Variants in IGSF3 observed in about 807,000 individuals in gnomAD.
The protein encoded by IGSF3 is immunoglobulin superfamily member 3.
In IGSF3, 23 loss-of-function variants were observed where a neutral mutation model predicts 114.4. The observed-to-expected ratio is 0.20, with a 90% confidence interval of 0.14 to 0.28. The LOEUF is 0.28. Among genes scored for constraint, IGSF3 ranks in the 10% least tolerant of loss-of-function variants. The pLI is 1.00. For missense variants in IGSF3, 1,172 were observed against 1,591.5 expected (o/e 0.74, Z 4.48); for synonymous variants, 571 against 645.2 (o/e 0.88, Z 1.74).
chr1:116,581,291 T>A (rs1028663742), intron 9 of IGSF3, among the ~76,000 whole-genome samples: 6 of 149,746 alleles, frequency 4.0e-5, no homozygotes, highest in Non-Finnish European at 7.4e-5. Flanking sequence ...ATCTCACAGA[T>A]GCCAACAGAC....
Position 116,624,310 on chromosome 1 carries a change from T to G in IGSF3, c.44-7853A>C, listed in dbSNP as rs1661510764. ...AAAGTTTGGATCGAATTCCTAAGTC[T>G]TCGCCTTCACTGACTTCCCACAGCA... On this transcript the variant is annotated intron_variant, in intron 2 of 10. Transcript: ENST00000369486. The surrounding 1 kb of genome is among the most constrained non-coding windows in gnomAD (Gnocchi z 4.9). Among the ~76,000 whole-genome samples, 1 of 152,184 alleles carries G rather than the reference T, an allele frequency of 6.6e-6. No homozygotes were observed. Among genetic ancestry groups the G allele is most frequent in the Admixed American group, 6.5e-5 (1 of 15,280 alleles).
chr1:116,609,157 G>C (rs1319224463), intron 4 of IGSF3, among the ~76,000 whole-genome samples: 1 of 151,932 alleles, frequency 6.6e-6, no homozygotes, highest in African/African-American at 2.4e-5. Context: ...AGTAGGAAAA[G>C]TACCTACTTC....
In IGSF3 at chr1:116,636,698, C is replaced by T. The variant is rs940931703; in HGVS notation, c.44-20241G>A. ...CAAGCCAGTGAAGAGGGGCTGGAAC[C>T]CTGTCTTTTGCCTCGAAGCACAGGG... On this transcript the variant is annotated intron_variant, in intron 2 of 10. Transcript: ENST00000369486. This position sits in a 1 kb window ranked among gnomAD's most constrained non-coding sequence, Gnocchi z 4.5. Among the ~76,000 whole-genome samples, 2 of 152,134 alleles carry T rather than the reference C, an allele frequency of 1.3e-5. No individual in the cohort carries two copies. Among genetic ancestry groups the T allele is most frequent in the Admixed American group, 1.3e-4 (2 of 15,268 alleles).
In IGSF3 at chr1:116,592,360, A is replaced by G. The variant is rs1660149236; in HGVS notation, c.2030-3256T>C. Among the ~76,000 whole-genome samples the G allele has an allele frequency of 6.6e-6, 1 of 152,240 alleles. No individual in the cohort carries two copies. Among genetic ancestry groups the G allele is most frequent in the Non-Finnish European group, 1.5e-5 (1 of 68,036 alleles). On this transcript the variant is annotated intron_variant, in intron 7 of 10. Transcript: ENST00000369486. This position sits in a 1 kb window ranked among gnomAD's most constrained non-coding sequence, Gnocchi z 4.5. The stretch of plus-strand genomic sequence containing the variant: ...AAAGAATCCAGCAAGAGACAGGAAG[A>G]GGGTCCGAGAGTTGCTCCAGCTCAC...
Position 116,594,376 on chromosome 1 carries a change from G to T in IGSF3, c.2030-5272C>A, listed in dbSNP as rs1660252913. Among the ~76,000 whole-genome samples, 7 of 152,182 alleles carry T rather than the reference G, an allele frequency of 4.6e-5. No homozygotes were observed. The highest frequency in any genetic ancestry group is 4.6e-4 in the Admixed American group (7 of 15,280). On this transcript the variant is annotated intron_variant, in intron 7 of 10. Transcript: ENST00000369486. This position sits in a 1 kb window ranked among gnomAD's most constrained non-coding sequence, Gnocchi z 5.2. ...TATATTGTATATGAATTTCATTTCT[G>T]GGTAAAGGGAACATTATAAATTATT... is the stretch of plus-strand genomic sequence containing the variant.
In IGSF3 at chr1:116,650,641, A is replaced by G. The variant is rs376444381; in HGVS notation, c.43+15643T>C. Among the ~76,000 whole-genome samples the G allele has an allele frequency of 2.6e-5, 4 of 152,132 alleles. No individual in the cohort carries two copies. In the East Asian group the frequency reaches 7.7e-4, roughly 29 times the overall value. ...GAAGAGCCACTGTAGGTAACCAATC[A>G]CGTCTACCACAGGCAGGGACCAATA... is the stretch of plus-strand genomic sequence containing the variant. On this transcript the variant is annotated intron_variant, in intron 2 of 10. Coordinates refer to ENST00000369486, the MANE Select transcript of IGSF3 (RefSeq NM_001007237.3). The surrounding 1 kb of genome is among the most constrained non-coding windows in gnomAD (Gnocchi z 5.0).
rs1010011531 is a variant in IGSF3, at chr1:116,585,888, TC to T, written c.2441-837del. On this transcript the variant is annotated intron_variant, in intron 8 of 10. Transcript: ENST00000369486. The surrounding 1 kb of genome is among the most constrained non-coding windows in gnomAD (Gnocchi z 4.9). ...GCCTGTGCAACAGAGTGAGACTGTC[TC>T]AAAAAAAAGAAAAAGAAAAAGAAAA... Among the ~76,000 whole-genome samples the T allele has an allele frequency of 8.6e-5, 13 of 151,972 alleles. No individual in the cohort carries two copies. The highest frequency in any genetic ancestry group is 2.0e-4 in the Admixed American group (3 of 15,272).
chr1:116,628,764 G>A lies in IGSF3; in HGVS notation c.44-12307C>T, dbSNP rs767848794. Among the ~76,000 whole-genome samples the A allele has an allele frequency of 1.8e-4, 27 of 152,260 alleles. No individual in the cohort carries two copies. The highest frequency in any genetic ancestry group is 6.3e-4 in the African/African-American group (26 of 41,528). ...CTCAGCTTTGACTTTCATTGCTGGT[G>A]GCTCAGGCTCCTGTGCTTGGCTCTC... On this transcript the variant is annotated intron_variant, in intron 2 of 10. Transcript: ENST00000369486. The surrounding 1 kb of genome is among the most constrained non-coding windows in gnomAD (Gnocchi z 4.2).
In IGSF3 at chr1:116,654,653, T is replaced by A. The variant is rs933128058; in HGVS notation, c.43+11631A>T. 6.6e-6 allele frequency among the ~76,000 whole-genome samples: 1 copy of A among 152,186 alleles called. No homozygotes were observed. The highest frequency in any genetic ancestry group is 2.4e-5 in the African/African-American group (1 of 41,436). On this transcript the variant is annotated intron_variant, in intron 2 of 10. Transcript: ENST00000369486. This position sits in a 1 kb window ranked among gnomAD's most constrained non-coding sequence, Gnocchi z 4.4. Reference sequence around the variant, plus strand: ...CACCCCCCATACGAGGCTCCTCTGGTATGGACGGTGTCTCCTCTCTGGTGG... The same window carrying A: ...CACCCCCCATACGAGGCTCCTCTGGAATGGACGGTGTCTCCTCTCTGGTGG...
intron 7 of IGSF3, among the ~76,000 whole-genome samples, chr1:116,590,806 C>T (rs545172554): frequency 4.7e-4 from 71 of 152,004 alleles, no homozygotes; most frequent in Admixed American, 2.8e-3. Flanking sequence ...CCACAGACTG[C>T]CACTTGGTCT....
intron 2 of IGSF3, among the ~76,000 whole-genome samples, chr1:116,623,757 G>GA (rs1661490146): frequency 6.6e-6 from 1 of 151,502 alleles, no homozygotes; most frequent in Non-Finnish European, 1.5e-5. Context: ...GCCCACAGGT[G>GA]CAAGGACCTT....
In IGSF3 at chr1:116,592,191, C is replaced by T. The variant is rs1483500597; in HGVS notation, c.2030-3087G>A. Among the ~76,000 whole-genome samples, 1 of 152,100 alleles carries T rather than the reference C, an allele frequency of 6.6e-6. No homozygotes were observed. Among genetic ancestry groups the T allele is most frequent in the Non-Finnish European group, 1.5e-5 (1 of 68,030 alleles). ...CAGAATCTGCACTTTAACAAGATCCCCAGGTGATTCACAAGTAGCTTCAAG... is the reference window on the plus strand; with the variant it reads ...CAGAATCTGCACTTTAACAAGATCCTCAGGTGATTCACAAGTAGCTTCAAG... On this transcript the variant is annotated intron_variant, in intron 7 of 10. Transcript: ENST00000369486. The surrounding 1 kb of genome is among the most constrained non-coding windows in gnomAD (Gnocchi z 4.5).
rs3216634 is a variant in IGSF3, at chr1:116,624,085, T to TA, written c.44-7629dup. On this transcript the variant is annotated intron_variant, in intron 2 of 10. Coordinates refer to ENST00000369486, the MANE Select transcript of IGSF3 (RefSeq NM_001007237.3). This position sits in a 1 kb window ranked among gnomAD's most constrained non-coding sequence, Gnocchi z 4.9. The stretch of plus-strand genomic sequence containing the variant: ...CTGGGCAACAGAGAAAGACTCTATC[T>TA]AAAAAAAAAACAAAAAAAAGGTCCC... Among the ~76,000 whole-genome samples, 89 of 136,502 alleles carry TA rather than the reference T, an allele frequency of 6.5e-4. No homozygotes were observed. Among genetic ancestry groups the TA allele is most frequent in the African/African-American group, 1.5e-3 (56 of 36,616 alleles). 89.6% of individuals were successfully genotyped at this position (136,502 alleles called of 152,430 possible). A position where few individuals can be genotyped will look rare whatever the true frequency, so the allele number is the denominator to read the frequency against.
In IGSF3 at chr1:116,655,174, G is replaced by A. The variant is rs200922313; in HGVS notation, c.43+11110C>T. ...TTTTAACTGTGAATTCTGTGGCACC[G>A]GAGATAACAGAACAATGAATGCTTG... On this transcript the variant is annotated intron_variant, in intron 2 of 10. Coordinates refer to ENST00000369486, the MANE Select transcript of IGSF3 (RefSeq NM_001007237.3). This position sits in a 1 kb window ranked among gnomAD's most constrained non-coding sequence, Gnocchi z 4.3. 2.0e-5 allele frequency among the ~76,000 whole-genome samples: 3 copies of A among 152,274 alleles called. No individual in the cohort carries two copies. Among genetic ancestry groups the A allele is most frequent in the East Asian group, 3.9e-4 (2 of 5,194 alleles).
chr1:116,658,633 T>C lies in IGSF3; in HGVS notation c.43+7651A>G, dbSNP rs577374385. On this transcript the variant is annotated intron_variant, in intron 2 of 10. Transcript: ENST00000369486. ...TCCACCCCTTTAGAAGTGCCCAGAA[T>C]ATCCTCTACCCCACAATTCCAACAG... is the stretch of plus-strand genomic sequence containing the variant. Among the ~76,000 whole-genome samples, 283 of 152,320 alleles carry C rather than the reference T, an allele frequency of 1.9e-3. 8 individuals carry two copies. The South Asian group carries it at 0.056, about 30-fold the overall frequency.
At chr1:116,609,071 G>C (rs1346209282) in intron 4 of IGSF3, among the ~76,000 whole-genome samples, 1 of 151,756 alleles carries the variant, frequency 6.6e-6, no homozygotes, top group African/African-American at 2.4e-5. Flanking sequence ...TAGTGGGAAA[G>C]TACCTACTAA....
Position 116,662,131 on chromosome 1 carries a change from C to T in IGSF3, c.43+4153G>A, listed in dbSNP as rs1411129694. Among the ~76,000 whole-genome samples the T allele has an allele frequency of 6.6e-6, 1 of 151,778 alleles. No homozygotes were observed. The highest frequency in any genetic ancestry group is 1.9e-4 in the East Asian group (1 of 5,158). ...CATTGCCCAGGCTGGAGTGCAACGG[C>T]GCGATCTCGGCTCACTGCAACCTCT... is the stretch of plus-strand genomic sequence containing the variant. On this transcript the variant is annotated intron_variant, in intron 2 of 10. Coordinates refer to ENST00000369486, the MANE Select transcript of IGSF3 (RefSeq NM_001007237.3). This position sits in a 1 kb window ranked among gnomAD's most constrained non-coding sequence, Gnocchi z 4.3.
At chr1:116,645,034 C>T (rs1399338486) in intron 2 of IGSF3, among the ~76,000 whole-genome samples, 7 of 152,162 alleles carry the variant, frequency 4.6e-5, no homozygotes, top group African/African-American at 1.7e-4. Flanking sequence ...GAAATAAAAC[C>T]TGTGTCCACA....
intron 1 of IGSF3, among the ~76,000 whole-genome samples, 189 bp from the exon 2 acceptor site, chr1:116,667,145 T>C (rs1010945390): frequency 1.3e-5 from 2 of 152,172 alleles, no homozygotes; most frequent in African/African-American, 2.4e-5. Context: ...AGGGCAACAG[T>C]GGGAAGCCCG....
Sources: gnomAD v4.1 joint callset for allele counts (sites outside exome capture counted in the v4.1 genomes callset) on GRCh38, gnomAD v4.1.1 for gene constraint, Gnocchi (gnomAD v3.1) non-coding constraint, MANE v1.5 for transcripts, NCBI Gene and HGNC (gene_info 2026-07-23, HGNC 2026-07-21) for gene names.